Variants in CNTN6 observed in about 807,000 individuals in gnomAD.
The protein encoded by CNTN6 is contactin 6, also known as contactin-6.
Under a neutral mutation model 122.8 loss-of-function variants are expected in CNTN6, and 137 were observed. That is an observed-to-expected ratio of 1.12 (90% CI 0.97 to 1.29). CNTN6 has a LOEUF of 1.29. CNTN6 is among the 50% of genes most tolerant of loss of function. CNTN6 has a pLI of 0.00. For missense variants in CNTN6, 1,634 were observed against 1,223.4 expected (o/e 1.34, Z -5.01); for synonymous variants, 570 against 426.0 (o/e 1.34, Z -4.16).
intron 1 of CNTN6, among the ~76,000 whole-genome samples, chr3:1,127,345 A>G (rs1180105009): frequency 1.3e-5 from 2 of 151,908 alleles, no homozygotes; most frequent in Non-Finnish European, 2.9e-5. Flanking sequence ...GGACAAAAGG[A>G]TAAATATTTA....
At chr3:1,341,186 GTT>G (rs34258036) in intron 11 of CNTN6, among the ~76,000 whole-genome samples, 7 of 146,000 alleles carry the variant, frequency 4.8e-5, no homozygotes, top group Admixed American at 1.4e-4. Context: ...TAGTTTGTTG[GTT>G]TTTTTTTTTT....
intron 2 of CNTN6, among the ~76,000 whole-genome samples, chr3:1,151,823 T>G (rs1274813069): frequency 6.6e-6 from 1 of 152,038 alleles, no homozygotes; most frequent in Non-Finnish European, 1.5e-5. Context: ...AGAACTCTGC[T>G]GGGATAAATG....
intron 2 of CNTN6, among the ~76,000 whole-genome samples, chr3:1,198,937 T>G (rs191583260): frequency 6.6e-6 from 1 of 152,160 alleles, no homozygotes; most frequent in East Asian, 1.9e-4. Context: ...GATGTCTCTA[T>G]GAGAAAAGAA....
At chr3:1,150,882 A>T (rs764830914) in intron 2 of CNTN6, among the ~76,000 whole-genome samples, 5 of 152,148 alleles carry the variant, frequency 3.3e-5, no homozygotes, top group Admixed American at 6.5e-5. Flanking sequence ...ACAGAGGGGA[A>T]GGCAATGAGG....
At chr3:1,220,034 A>AAGAAAAAAAT (rs1559537877) in intron 2 of CNTN6, among the ~76,000 whole-genome samples, 4 of 151,386 alleles carry the variant, frequency 2.6e-5, no homozygotes, top group African/African-American at 7.3e-5. Context: ...AAGAAAAAAA[A>AAGAAAAAAAT]TATCAACTGG....
intron 4 of CNTN6, among the ~76,000 whole-genome samples, chr3:1,254,006 C>G (rs892209190): frequency 1.3e-5 from 2 of 152,088 alleles, no homozygotes; most frequent in Admixed American, 6.6e-5. Flanking sequence ...TGGGATTGTT[C>G]TAGTAACCGA....
At chr3:1,353,948 G>A (rs1164461824) in intron 12 of CNTN6, among the ~76,000 whole-genome samples, 1 of 151,304 alleles carries the variant, frequency 6.6e-6, no homozygotes, top group Non-Finnish European at 1.5e-5. Context: ...CTGGGAGGAG[G>A]GCCAATGGTT....
chr3:1,320,878 C>A (rs937620914), intron 7 of CNTN6, among the ~76,000 whole-genome samples: 6 of 151,484 alleles, frequency 4.0e-5, no homozygotes. Flanking sequence ...TTGAAAGATA[C>A]CCATATTAGA....
chr3:1,109,468 T>G (rs1014688295), intron 1 of CNTN6, among the ~76,000 whole-genome samples: 2 of 152,086 alleles, frequency 1.3e-5, no homozygotes, highest in African/African-American at 4.8e-5. Flanking sequence ...TCTACCATTG[T>G]TTTTCTATTC....
intron 2 of CNTN6, among the ~76,000 whole-genome samples, chr3:1,159,890 A>G (rs2093083635): frequency 6.6e-6 from 1 of 151,814 alleles, no homozygotes. Context: ...GCGCGGTCTC[A>G]GCTCACTGCA....
At position 1,360,296 on chromosome 3, in the gene CNTN6, G is replaced by T. The variant is rs577138907; in HGVS notation, c.1492+7845G>T. Among the ~76,000 whole-genome samples, 6 of 151,986 alleles carry T rather than the reference G, an allele frequency of 3.9e-5. No homozygotes were observed. The South Asian group carries it at 1.0e-3, about 26-fold the overall frequency. Reference sequence around the variant, plus strand: ...TTTCCCTCTTGTTCTCTAGAATTCTGTTTTCTCCAATGTTTGACAATTTCA... The same window carrying T: ...TTTCCCTCTTGTTCTCTAGAATTCTTTTTTCTCCAATGTTTGACAATTTCA... On this transcript the variant is annotated intron_variant, in intron 12 of 22. Coordinates refer to ENST00000446702, the MANE Select transcript of CNTN6 (RefSeq NM_001289080.2).
intron 2 of CNTN6, among the ~76,000 whole-genome samples, chr3:1,154,992 C>G (rs2092931490): frequency 6.6e-6 from 1 of 152,170 alleles, no homozygotes; most frequent in South Asian, 2.1e-4. Flanking sequence ...AAACACTCTT[C>G]ACATCTTTCT....
intron 2 of CNTN6, among the ~76,000 whole-genome samples, chr3:1,175,445 T>G (rs1327548133): frequency 1.3e-5 from 2 of 151,912 alleles, no homozygotes; most frequent in African/African-American, 4.8e-5. Flanking sequence ...GAAAACACAG[T>G]CTACTCAAGG....
intron 4 of CNTN6, among the ~76,000 whole-genome samples, chr3:1,228,539 T>C (rs946788356): frequency 6.6e-6 from 1 of 152,198 alleles, no homozygotes; most frequent in Non-Finnish European, 1.5e-5. Flanking sequence ...TTTGGGGACA[T>C]TAGCAGATGA....
chr3:1,369,969 C>T (rs1271085717), intron 12 of CNTN6, among the ~76,000 whole-genome samples: 2 of 151,764 alleles, frequency 1.3e-5, no homozygotes, highest in Non-Finnish European at 2.9e-5. Context: ...ACAATACAAG[C>T]TTTTTAAATT....
chr3:1,132,400 T>C (rs187268003), intron 1 of CNTN6, among the ~76,000 whole-genome samples: 1 of 152,180 alleles, frequency 6.6e-6, no homozygotes, highest in East Asian at 1.9e-4. Context: ...AAATCAGTTA[T>C]CTCATTGATG....
chr3:1,284,576 G>A lies in CNTN6; in HGVS notation c.454+6068G>A, dbSNP rs146452128. Among the ~76,000 whole-genome samples, 995 of 152,198 alleles carry A rather than the reference G, an allele frequency of 6.5e-3. 5 individuals carry two copies. Among genetic ancestry groups the A allele is most frequent in the African/African-American group, 0.022 (919 of 41,510 alleles). On this transcript the variant is annotated intron_variant, in intron 5 of 22. Transcript: ENST00000446702. ...ATTATGTAGTTACTAAGTGCCACTC[G>A]TTTTTCTGCATTTTAGTGATAAAGT...
intron 8 of CNTN6, among the ~76,000 whole-genome samples, chr3:1,322,574 A>C (rs1210413415): frequency 6.6e-6 from 1 of 151,702 alleles, no homozygotes; most frequent in Non-Finnish European, 1.5e-5. Context: ...ATATGGCCAA[A>C]ATACTTTCCT....
chr3:1,135,454 C>T (rs1057278661), intron 1 of CNTN6, among the ~76,000 whole-genome samples: 6 of 152,148 alleles, frequency 3.9e-5, no homozygotes, highest in African/African-American at 1.4e-4. Flanking sequence ...CAGTGTACAT[C>T]CTGCTGTCAG....
Sources: gnomAD v4.1 joint callset for allele counts (sites outside exome capture counted in the v4.1 genomes callset) on GRCh38, gnomAD v4.1.1 for gene constraint, MANE v1.5 for transcripts, NCBI Gene and HGNC (gene_info 2026-07-23, HGNC 2026-07-21) for gene names.